The following EPHA10 variants were observed in gnomAD, a reference collection of about 807,000 sequenced individuals.
The protein encoded by EPHA10 is EPH receptor A10.
A neutral mutation model predicts 109.7 loss-of-function variants in EPHA10; 120 were observed. That is an observed-to-expected ratio of 1.09 (90% CI 0.94 to 1.27). The LOEUF (loss-of-function observed/expected upper bound fraction) is 1.27. Ranked by LOEUF, EPHA10 falls within the 50% of genes most tolerant of loss-of-function variation. The probability of loss-of-function intolerance (pLI) is 0.00; values close to 1 mark genes in which losing one functional copy is unlikely to be tolerated. For missense variants in EPHA10, 1,396 were observed against 1,411.1 expected, an observed-to-expected ratio of 0.99 and a Z score of 0.17; for synonymous variants, 640 against 618.9, an observed-to-expected ratio of 1.03 and a Z score of -0.51.
downstream of EPHA10, among the ~76,000 whole-genome samples, chr1:37,714,355 G>A (rs1645662592): frequency 6.6e-6 from 1 of 152,206 alleles, no homozygotes; most frequent in African/African-American, 2.4e-5. Context: ...GTGTCCATGA[G>A]TACATATGTG....
At chr1:37,738,820 A>G (rs1646108588) in intron 5 of EPHA10, among the ~76,000 whole-genome samples, 1 of 134,474 alleles carries the variant, frequency 7.4e-6, no homozygotes, top group African/African-American at 2.6e-5. Flanking sequence ...CTATGCAGCC[A>G]TAAAAAAAGG....
intron 5 of EPHA10, among the ~76,000 whole-genome samples, chr1:37,735,992 T>C (rs886552333): frequency 1.3e-5 from 2 of 152,186 alleles, no homozygotes; most frequent in African/African-American, 2.4e-5. Flanking sequence ...CCAGAAGTTC[T>C]AGCCAGAGCA....
Position 37,718,049 on chromosome 1 carries a change from T to G in EPHA10, c.*323A>C, listed in dbSNP as rs1645719384. 1 of 385,452 alleles carries G rather than the reference T, an allele frequency of 2.6e-6. No homozygotes were observed. The allele number at this position is 385,452 out of a possible 1,614,324, so 23.9% of individuals were successfully genotyped here. On this transcript the variant is annotated 3_prime_UTR_variant, in exon 17 of 17. Coordinates refer to ENST00000373048, the MANE Select transcript of EPHA10 (RefSeq NM_001099439.2). ...GGCAGTAGGGCATGAGCCAGGGCAA[T>G]CTCAACCCACTGTCTTCCCTCCCAT...
chr1:37,757,298 C>T (rs1240233533), intron 3 of EPHA10, among the ~76,000 whole-genome samples: 3 of 152,142 alleles, frequency 2.0e-5, no homozygotes. Context: ...CCCACTTATC[C>T]ATCTACTTTT....
In EPHA10 at chr1:37,753,220, G is replaced by C; in HGVS notation, c.1013C>G (p.Pro338Arg). Residue 338 changes from proline to arginine, a missense_variant, in exon 5 of 17, where the codon CCG becomes CGG. Coordinates refer to ENST00000373048, the MANE Select transcript of EPHA10 (RefSeq NM_001099439.2). ...GTACTGCAGGTCCCGCGGCGCCGAC[G>C]GCGGCCCTGAGGCGGCACAGGGGCG... Reference protein sequence around the residue: ...DPPSASCTRPPSAPRDLQYSL... With the variant: ...DPPSASCTRPRSAPRDLQYSL... 2 of 1,325,352 alleles carry C rather than the reference G, an allele frequency of 1.5e-6. No homozygotes were observed. The highest frequency in any genetic ancestry group is 1.9e-6 in the Non-Finnish European group (2 of 1,041,716). 82.1% of individuals were successfully genotyped at this position (1,325,352 alleles called of 1,614,324 possible).
rs781456516 is a variant in EPHA10 at position 37,719,532 on chromosome 1, G to C, written c.2638C>G (p.Leu880Val). ...NCPNLLHRLM[L>V]DCWQKDPGER... ...CCTGGGTCCTTCTGCCAGCAGTCGA[G>C]CATTAGTCGGTGCAGAAGGTTAGGA... Residue 880 changes from leucine (L) to valine (V), a missense_variant, in exon 15 of 17, where the codon CTC becomes GTC. Transcript: ENST00000373048. 1.2e-6 allele frequency: 2 copies of C among 1,614,058 alleles called. No homozygotes were observed. The highest frequency in any genetic ancestry group is 1.7e-6 in the Non-Finnish European group (2 of 1,180,036).
chr1:37,723,207 C>T (rs772840043), intron 9 of EPHA10, 41 bp from the exon 10 acceptor site: 6 of 1,606,380 alleles, frequency 3.7e-6, no homozygotes, highest in Admixed American at 3.4e-5. Context: ...GGGGCCTCCA[C>T]CACTGGGGCT....
intron 5 of EPHA10, among the ~76,000 whole-genome samples, chr1:37,752,383 G>T (rs908929153): frequency 1.3e-5 from 2 of 152,168 alleles, no homozygotes; most frequent in Non-Finnish European, 2.9e-5. Context: ...CCGAGGGTTG[G>T]AGGTAAGGGA....
At chr1:37,735,175 C>T in intron 6 of EPHA10, 82 bp downstream of exon 6, 3 of 1,527,396 alleles carry the variant, frequency 2.0e-6, no homozygotes, top group South Asian at 2.4e-5. Flanking sequence ...AGGGCTTTTG[C>T]TGGGAGGATG....
At chr1:37,732,053 G>T (rs1645992417) in intron 6 of EPHA10, among the ~76,000 whole-genome samples, 1 of 152,178 alleles carries the variant, frequency 6.6e-6, no homozygotes. Context: ...GTCCTGCAAG[G>T]CTCAGAGGAC....
chr1:37,715,283 A>G (rs756927829), downstream of EPHA10, among the ~76,000 whole-genome samples: 65 of 151,944 alleles, frequency 4.3e-4, no homozygotes, highest in Non-Finnish European at 8.2e-4. Context: ...ACCCACCTCA[A>G]CCTCTCAAAG....
chr1:37,747,593 T>C (rs1569736460), intron 5 of EPHA10, among the ~76,000 whole-genome samples: 1 of 144,150 alleles, frequency 6.9e-6, no homozygotes, highest in South Asian at 2.2e-4. Context: ...AGGAGAGTGG[T>C]ATTAATAAAG....
downstream of EPHA10, chr1:37,715,800 C>T (rs913262849): frequency 8.9e-6 from 4 of 448,340 alleles, no homozygotes; most frequent in East Asian, 9.4e-5. Flanking sequence ...TGGGTCACAC[C>T]GTCCTGCCAT....
At chr1:37,763,137 T>G (rs1646447855) in intron 1 of EPHA10, among the ~76,000 whole-genome samples, 1 of 152,176 alleles carries the variant, frequency 6.6e-6, no homozygotes, top group South Asian at 2.1e-4. Context: ...ATTTTTCTGT[T>G]ACAGTTCTGG....
chr1:37,722,888 G>C (rs763317077), intron 10 of EPHA10, 153 bp downstream of exon 10: 1 of 1,128,792 alleles, frequency 8.9e-7, no homozygotes, highest in African/African-American at 1.5e-5. Context: ...TGGGTGGAGG[G>C]TGGGCTTGGT....
At chr1:37,751,368 AC>A (rs1320156163) in intron 5 of EPHA10, among the ~76,000 whole-genome samples, 1 of 151,832 alleles carries the variant, frequency 6.6e-6, no homozygotes, top group African/African-American at 2.4e-5. Flanking sequence ...CAGGAGTTTG[AC>A]ACCAGCCTGG....
At chr1:37,758,931 A>G (rs1341970093) in intron 3 of EPHA10, among the ~76,000 whole-genome samples, 1 of 152,192 alleles carries the variant, frequency 6.6e-6, no homozygotes, top group Non-Finnish European at 1.5e-5. Context: ...TGTAAGTCAA[A>G]GGGGACTCCT....
chr1:37,749,594 A>T (rs561236981), intron 5 of EPHA10, among the ~76,000 whole-genome samples: 6 of 151,878 alleles, frequency 4.0e-5, no homozygotes, highest in African/African-American at 1.4e-4. Flanking sequence ...AGTCGCTTCA[A>T]CCCAGGAGGC....
chr1:37,729,010 A>G (rs1286335021), intron 7 of EPHA10, among the ~76,000 whole-genome samples: 2 of 152,172 alleles, frequency 1.3e-5, no homozygotes, highest in African/African-American at 4.8e-5. Flanking sequence ...AGAATATGGC[A>G]AGAGTATTGG....
Sources: gnomAD v4.1 joint callset for allele counts (sites outside exome capture counted in the v4.1 genomes callset) on GRCh38, gnomAD v4.1.1 for gene constraint, MANE v1.5 for transcripts, NCBI Gene and HGNC (gene_info 2026-07-23, HGNC 2026-07-21) for gene names.